The following TIAM1 variants were observed in gnomAD, a reference collection of about 807,000 sequenced individuals.
TIAM1 encodes TIAM Rac1 associated GEF 1.
In TIAM1, 65 loss-of-function variants were observed where a neutral mutation model predicts 163.5. That is an observed-to-expected ratio of 0.40 (90% confidence interval 0.33 to 0.49). TIAM1 has a LOEUF of 0.49. Ranked by LOEUF, TIAM1 falls within the 20% of genes least tolerant of loss-of-function variation. The probability of loss-of-function intolerance (pLI) is 0.77; values close to 1 mark genes in which losing one functional copy is unlikely to be tolerated. For missense variants in TIAM1, 1,789 were observed against 2,044.7 expected, an observed-to-expected ratio of 0.87 and a Z score of 2.41; for synonymous variants, 833 against 810.1, an observed-to-expected ratio of 1.03 and a Z score of -0.48.
rs1402929096 is a variant in TIAM1, at chr21:31,251,793, CCTT to C, written c.1357_1359del (p.Lys453del). 22 of 1,609,946 alleles carry C rather than the reference CCTT, an allele frequency of 1.4e-5. No individual in the cohort carries two copies. Among genetic ancestry groups the C allele is most frequent in the Non-Finnish European group, 1.7e-5 (20 of 1,176,948 alleles). On this transcript the variant is annotated inframe_deletion, in exon 5 of 28. Transcript: ENST00000541036. ...CACTTCCTCCGGGTGGCTGACTCCACCTTCTTGTTCTTCTTGTGCACCAGGAAG... is the reference window on the plus strand; with the variant it reads ...CACTTCCTCCGGGTGGCTGACTCCACCTTGTTCTTCTTGTGCACCAGGAAG...
chr21:31,286,536 C>T (rs1307711473), intron 2 of TIAM1, among the ~76,000 whole-genome samples: 2 of 151,798 alleles, frequency 1.3e-5, no homozygotes, highest in African/African-American at 4.9e-5. Flanking sequence ...AGTAAGACAT[C>T]ATCTGTAAAA....
chr21:31,461,499 T>A (rs978009136), intron 2 of TIAM1, among the ~76,000 whole-genome samples: 1 of 151,982 alleles, frequency 6.6e-6, no homozygotes, highest in Non-Finnish European at 1.5e-5. Context: ...AATAAAAATT[T>A]AAAAAATTTA....
At chr21:31,507,259 G>A (rs2047065771) in intron 1 of TIAM1, among the ~76,000 whole-genome samples, 1 of 117,456 alleles carries the variant, frequency 8.5e-6, no homozygotes, top group Admixed American at 1.2e-4. Context: ...AGGATGGAGT[G>A]CAGTGCAAGG....
At chr21:31,347,601 G>A (rs1314971137), upstream of TIAM1, among the ~76,000 whole-genome samples, 2 of 152,184 alleles carry the variant, frequency 1.3e-5, no homozygotes, top group Non-Finnish European at 2.9e-5. Context: ...CAGTATTTCT[G>A]CTCCAAAGAA....
intron 2 of TIAM1, among the ~76,000 whole-genome samples, chr21:31,338,906 C>T (rs1472628322): frequency 6.6e-6 from 1 of 152,176 alleles, no homozygotes; most frequent in Non-Finnish European, 1.5e-5. Flanking sequence ...CAAGTTTCCC[C>T]AGCTGCATCC....
chr21:31,237,235 T>C (rs984974829), intron 6 of TIAM1, among the ~76,000 whole-genome samples: 5 of 152,264 alleles, frequency 3.3e-5, no homozygotes, highest in Admixed American at 3.3e-4. Flanking sequence ...CCCATTAAAG[T>C]CTCTTCTACC....
intron 2 of TIAM1, among the ~76,000 whole-genome samples, chr21:31,318,092 G>A (rs927707915): frequency 1.1e-4 from 17 of 152,116 alleles, no homozygotes; most frequent in African/African-American, 4.1e-4. Flanking sequence ...TTTGCAGAAA[G>A]AGGATCAAAT....
At chr21:31,175,832 T>C (rs1318754263) in intron 15 of TIAM1, among the ~76,000 whole-genome samples, 2 of 152,024 alleles carry the variant, frequency 1.3e-5, no homozygotes, top group East Asian at 3.9e-4. Context: ...CTCCTGACCT[T>C]AGGTGATCCA....
intron 25 of TIAM1, among the ~76,000 whole-genome samples, chr21:31,128,705 G>A (rs770659100): frequency 6.6e-5 from 10 of 152,124 alleles, no homozygotes; most frequent in Admixed American, 1.3e-4. Context: ...AAGGGCATCC[G>A]GCAAATCTCT....
intron 1 of TIAM1, among the ~76,000 whole-genome samples, chr21:31,505,568 G>A (rs1243177623): frequency 6.6e-6 from 1 of 152,220 alleles, no homozygotes; most frequent in African/African-American, 2.4e-5. Context: ...AATTGGAAGA[G>A]CACTCATTGA....
At chr21:31,314,525 T>G (rs568492142) in intron 2 of TIAM1, among the ~76,000 whole-genome samples, 30 of 152,232 alleles carry the variant, frequency 2.0e-4, no homozygotes, top group Non-Finnish European at 2.9e-4. Context: ...CATACATCAG[T>G]TTTTCTTAAA....
chr21:31,338,547 T>G (rs2075921477), intron 2 of TIAM1, among the ~76,000 whole-genome samples: 1 of 152,176 alleles, frequency 6.6e-6, no homozygotes, highest in African/African-American at 2.4e-5. Context: ...CTGCATGGGC[T>G]AACGTGACCG....
At chr21:31,387,195 C>CTTTTTTTT (rs60592178) in intron 2 of TIAM1, among the ~76,000 whole-genome samples, 19 of 75,150 alleles carry the variant, frequency 2.5e-4, no homozygotes, top group African/African-American at 7.3e-4. Flanking sequence ...AGCTTATTCT[C>CTTTTTTTT]TTTTTTTTTT....
At chr21:31,469,160 G>A (rs1602355969) in intron 1 of TIAM1, among the ~76,000 whole-genome samples, 1 of 142,106 alleles carries the variant, frequency 7.0e-6, no homozygotes. Context: ...ATAGTTCACT[G>A]CAGCCTTGAA....
intron 1 of TIAM1, among the ~76,000 whole-genome samples, chr21:31,465,575 C>CTTT (rs71193124): frequency 1.5e-4 from 22 of 145,738 alleles, no homozygotes; most frequent in South Asian, 2.2e-4. Context: ...TAGTGATCTT[C>CTTT]TTTTTTTTTT....
chr21:31,342,895 C>G (rs2076062667), intron 1 of TIAM1, among the ~76,000 whole-genome samples: 1 of 152,186 alleles, frequency 6.6e-6, no homozygotes, highest in Non-Finnish European at 1.5e-5. Flanking sequence ...GCGGCCCCAG[C>G]AACCTGCCTC....
chr21:31,179,902 A>AT (rs764892757), intron 15 of TIAM1, among the ~76,000 whole-genome samples: 5,823 of 131,206 alleles, frequency 0.044, 231 homozygotes, highest in African/African-American at 0.079. Context: ...ACATACACAG[A>AT]TTTTTTTTTT....
At position 31,489,373 on chromosome 21, in the gene TIAM1, GA is replaced by G. The variant is rs1439053556; in HGVS notation, c.-421-25339del. Among the ~76,000 whole-genome samples the G allele has an allele frequency of 1.1e-4, 11 of 98,256 alleles. No individual in the cohort carries two copies. The East Asian group carries it at 1.7e-3, about 15-fold the overall frequency. 64.5% of individuals were successfully genotyped at this position (98,256 alleles called of 152,430 possible). On this transcript the variant is annotated intron_variant, in intron 1 of 28. Transcript: ENST00000286827. The stretch of plus-strand genomic sequence containing the variant: ...TGACAGACAAGGTTGGGGGGGAGAG[GA>G]GGAGGAGGAGGAGGAGAGGGAGGGG...
At chr21:31,173,932 C>G (rs969850271) in intron 15 of TIAM1, among the ~76,000 whole-genome samples, 4 of 152,186 alleles carry the variant, frequency 2.6e-5, no homozygotes, top group Admixed American at 2.0e-4. Flanking sequence ...CGCCCCCGGC[C>G]ATAGCAGGGC....
Sources: gnomAD v4.1 joint callset for allele counts (sites outside exome capture counted in the v4.1 genomes callset) on GRCh38, gnomAD v4.1.1 for gene constraint, MANE v1.5 for transcripts, NCBI Gene and HGNC (gene_info 2026-07-23, HGNC 2026-07-21) for gene names.